The following NRG1 variants were observed in gnomAD, a reference collection of about 807,000 sequenced individuals.
NRG1 encodes the protein pro-neuregulin-1, membrane-bound isoform.
A neutral mutation model predicts 63.8 loss-of-function variants in NRG1; 18 were observed. The ratio of observed to expected loss-of-function variants is 0.28; its 90% CI spans 0.19 to 0.42. NRG1 has a LOEUF of 0.42. Ranked by LOEUF, NRG1 falls within the 10% of genes least tolerant of loss-of-function variation. NRG1 has a pLI of 1.00. For missense variants in NRG1, 762 were observed against 814.7 expected (o/e 0.94, Z 0.79); for synonymous variants, 302 against 301.3 (o/e 1.00, Z -0.02).
At chr8:32,760,042 C>A (rs1830411243) in intron 10 of NRG1, among the ~76,000 whole-genome samples, 158 bp from the exon 11 acceptor site, 1 of 152,178 alleles carries the variant, frequency 6.6e-6, no homozygotes, top group South Asian at 2.1e-4. Flanking sequence ...AGCAAATTAC[C>A]TTTGTGGCGA....
chr8:32,096,256 A>G (rs1325967223), intron 1 of NRG1, among the ~76,000 whole-genome samples: 6 of 152,376 alleles, frequency 3.9e-5, no homozygotes, highest in Non-Finnish European at 8.8e-5. Context: ...AAGATACCAG[A>G]AGAAGCAAGG....
chr8:32,670,772 A>G (rs1249568561), intron 5 of NRG1, among the ~76,000 whole-genome samples: 1 of 152,180 alleles, frequency 6.6e-6, no homozygotes, highest in African/African-American at 2.4e-5. Context: ...ACCAAGGGAC[A>G]GTGGAGGCCC....
intron 1 of NRG1, among the ~76,000 whole-genome samples, chr8:32,005,527 T>G (rs1813633719): frequency 6.6e-6 from 1 of 152,060 alleles, no homozygotes; most frequent in South Asian, 2.1e-4. Flanking sequence ...AATAGTCATC[T>G]TAAGAACCTC....
chr8:32,366,653 T>TAGTGTGTGTGTG (rs752372898), intron 1 of NRG1, among the ~76,000 whole-genome samples: 3 of 101,980 alleles, frequency 2.9e-5, no homozygotes, highest in African/African-American at 1.1e-4. Context: ...GTAATATATA[T>TAGTGTGTGTGTG]TGTGTGTGTG....
At chr8:32,357,865 G>A (rs930073143) in intron 1 of NRG1, among the ~76,000 whole-genome samples, 16 of 152,180 alleles carry the variant, frequency 1.1e-4, no homozygotes, top group African/African-American at 3.4e-4. Context: ...TTAAAAGACA[G>A]TGTAATAAGT....
intron 1 of NRG1, among the ~76,000 whole-genome samples, chr8:31,645,867 C>T (rs1804238517): frequency 6.6e-6 from 1 of 152,198 alleles, no homozygotes; most frequent in Non-Finnish European, 1.5e-5. Context: ...CTACTACTTT[C>T]TAACTCAGAC....
At chr8:32,214,861 T>C (rs958191708) in intron 1 of NRG1, among the ~76,000 whole-genome samples, 2 of 152,162 alleles carry the variant, frequency 1.3e-5, no homozygotes, top group East Asian at 3.9e-4. Context: ...GTAGCTAAAA[T>C]GTTACACATA....
intron 1 of NRG1, among the ~76,000 whole-genome samples, chr8:32,231,652 G>A (rs771365268): frequency 1.3e-5 from 2 of 151,960 alleles, no homozygotes; most frequent in Non-Finnish European, 2.9e-5. Flanking sequence ...TGTAATCCTA[G>A]CACTTTGGGA....
chr8:32,065,065 T>C (rs1409198143), intron 1 of NRG1, among the ~76,000 whole-genome samples: 1 of 152,056 alleles, frequency 6.6e-6, no homozygotes, highest in Non-Finnish European at 1.5e-5. Flanking sequence ...GTTTCTTATA[T>C]TTAAAAAATA....
intron 1 of NRG1, among the ~76,000 whole-genome samples, chr8:32,075,712 AC>A (rs1313333020): frequency 1.1e-4 from 14 of 124,302 alleles, no homozygotes; most frequent in African/African-American, 4.4e-4. Flanking sequence ...TCGCTCTGTC[AC>A]CCAGGCTGGA....
intron 1 of NRG1, among the ~76,000 whole-genome samples, chr8:31,702,410 A>G (rs1037045473): frequency 2.0e-5 from 3 of 152,056 alleles, no homozygotes; most frequent in Non-Finnish European, 4.4e-5. Flanking sequence ...CTTACTTTAA[A>G]AGATAGAATA....
At chr8:32,364,075 CTTTTTTTTTTTTTT>C (rs932903875) in intron 1 of NRG1, among the ~76,000 whole-genome samples, 4 of 65,520 alleles carry the variant, frequency 6.1e-5, no homozygotes, top group African/African-American at 2.5e-4. Flanking sequence ...TCTGACTAGT[CTTTTTTTTTTTTTT>C]TTTTTTTTTT....
chr8:32,513,515 G>A (rs890335226), intron 1 of NRG1, among the ~76,000 whole-genome samples: 1 of 151,970 alleles, frequency 6.6e-6, no homozygotes, highest in African/African-American at 2.4e-5. Context: ...GCCTCCTTGG[G>A]GCTCAGCCTC....
At chr8:31,854,413 T>C (rs1399508105) in intron 1 of NRG1, among the ~76,000 whole-genome samples, 1 of 152,194 alleles carries the variant, frequency 6.6e-6, no homozygotes, top group African/African-American at 2.4e-5. Context: ...GTGTTTGTAG[T>C]ATTCTCTGAT....
At chr8:32,143,619 G>C (rs1212908091) in intron 1 of NRG1, among the ~76,000 whole-genome samples, 1 of 152,148 alleles carries the variant, frequency 6.6e-6, no homozygotes, top group Non-Finnish European at 1.5e-5. Flanking sequence ...AACTTCTCTG[G>C]GATCAACATA....
intron 1 of NRG1, among the ~76,000 whole-genome samples, chr8:32,508,483 G>C (rs1828808344): frequency 6.7e-6 from 1 of 150,106 alleles, no homozygotes; most frequent in Non-Finnish European, 1.5e-5. Context: ...ATTTTTAGTA[G>C]AGACAGGGTT....
intron 1 of NRG1, among the ~76,000 whole-genome samples, chr8:32,381,400 C>T (rs4352806): frequency 0.9 from 137,740 of 152,248 alleles, 63,033 homozygotes; most frequent in Non-Finnish European, 0.95. Flanking sequence ...TGTTCGTTTG[C>T]TGACTGTTTG....
intron 1 of NRG1, among the ~76,000 whole-genome samples, chr8:32,165,232 G>A (rs1029702921): frequency 6.6e-6 from 1 of 151,598 alleles, no homozygotes; most frequent in African/African-American, 2.4e-5. Context: ...TTGAACTCCT[G>A]GGCTCAAACA....
At chr8:32,569,620 A>G (rs1281479205) in intron 1 of NRG1, among the ~76,000 whole-genome samples, 1 of 152,056 alleles carries the variant, frequency 6.6e-6, no homozygotes, top group Non-Finnish European at 1.5e-5. Context: ...TTCTTTTCTC[A>G]TTTATTCTTT....
Sources: allele counts gnomAD v4.1 joint callset (sites outside exome capture counted in the v4.1 genomes callset), GRCh38; gene constraint gnomAD v4.1.1; transcripts MANE v1.5; gene names NCBI Gene and HGNC (gene_info 2026-07-23, HGNC 2026-07-21).